The following RPGRIP1 variants were observed in gnomAD, a reference collection of about 807,000 sequenced individuals.
The protein encoded by RPGRIP1 is RPGR interacting protein 1.
RPGRIP1 carries 128 observed loss-of-function variants against 157.9 expected under a neutral mutation model. That is an observed-to-expected ratio of 0.81 (90% CI 0.70 to 0.94). The LOEUF (loss-of-function observed/expected upper bound fraction) is 0.94, where lower values mean the gene tolerates loss of function less well. Among genes scored for constraint, RPGRIP1 ranks in the 40% least tolerant of loss-of-function variants. RPGRIP1 has a pLI of 0.00. For missense variants in RPGRIP1, 1,486 were observed against 1,545.8 expected, an observed-to-expected ratio of 0.96 and a Z score of 0.65; for synonymous variants, 554 against 571.6, an observed-to-expected ratio of 0.97 and a Z score of 0.44.
chr14:21,322,437 G>A (rs1357434741), intron 14 of RPGRIP1, among the ~76,000 whole-genome samples: 1 of 152,170 alleles, frequency 6.6e-6, no homozygotes, highest in Non-Finnish European at 1.5e-5. Context: ...GGGATTACAG[G>A]TGCGAGCCAC....
intron 21 of RPGRIP1, among the ~76,000 whole-genome samples, chr14:21,335,210 A>T (rs1019276216): frequency 2.0e-5 from 3 of 152,076 alleles, no homozygotes; most frequent in Non-Finnish European, 2.9e-5. Context: ...AGATAAAAGG[A>T]TCATTTTCTT....
At chr14:21,288,803 G>A (rs1301451434) in intron 2 of RPGRIP1, among the ~76,000 whole-genome samples, 7 of 152,026 alleles carry the variant, frequency 4.6e-5, no homozygotes, top group Admixed American at 1.3e-4. Flanking sequence ...GTGAGCCACC[G>A]TGCCCAGACT....
At chr14:21,324,384 C>T (rs1882823972) in intron 14 of RPGRIP1, 3 of 573,398 alleles carry the variant, frequency 5.2e-6, no homozygotes, top group Admixed American at 3.0e-5. Flanking sequence ...CATCTACTTT[C>T]CAGTCACTCC....
intron 21 of RPGRIP1, among the ~76,000 whole-genome samples, chr14:21,337,229 T>A (rs1419417734): frequency 6.6e-6 from 1 of 152,148 alleles, no homozygotes; most frequent in South Asian, 2.1e-4. Context: ...TATACAGCTT[T>A]GAGAGAGTTT....
Position 21,327,632 on chromosome 14 carries a change from A to G in RPGRIP1, c.2720A>G (p.Asn907Ser). 6.2e-7 allele frequency: 1 copy of G among 1,613,826 alleles called. No individual in the cohort carries two copies. Among genetic ancestry groups the G allele is most frequent in the Non-Finnish European group, 8.5e-7 (1 of 1,179,780 alleles). The change falls in exon 18 of 25, where the codon AAC becomes AGC. Residue 907 changes from asparagine to serine, a missense_variant. Physicochemically the swap from Asn to Ser is conservative, Grantham distance 46. Coordinates refer to ENST00000400017, the MANE Select transcript of RPGRIP1 (RefSeq NM_020366.4). ...AKNESIKGDF[N>S]LTDPAEKPNG... ...TCTGTTTGTTTCTCAGGTGATTTTA[A>G]CCTCACTGACCCTGCAGAGAAACCC...
chr14:21,296,977 T>G (rs1026489533), intron 3 of RPGRIP1, among the ~76,000 whole-genome samples: 13 of 151,792 alleles, frequency 8.6e-5, no homozygotes, highest in Non-Finnish European at 1.0e-4. Flanking sequence ...AAGTATTAAT[T>G]CATTTAATAG....
rs138964091 is a variant in RPGRIP1, at chr14:21,342,785, G to T, written c.3340-251G>T. On this transcript the variant is annotated intron_variant, in intron 21 of 24. Transcript: ENST00000400017. ...CTGAGAAAGGCTGTCCTGGAGAAAT[G>T]ATCCACTGGACTGTGAGAGAGAAGA... Among the ~76,000 whole-genome samples, 613 of 152,212 alleles carry T rather than the reference G, an allele frequency of 4.0e-3. 2 individuals carry two copies. The highest frequency in any genetic ancestry group is 7.3e-3 in the Non-Finnish European group (499 of 68,028).
intron 6 of RPGRIP1, among the ~76,000 whole-genome samples, chr14:21,305,034 C>T (rs1262913609): frequency 6.6e-6 from 1 of 152,192 alleles, no homozygotes; most frequent in Non-Finnish European, 1.5e-5. Context: ...GATCTCCTGA[C>T]CTCGTAATCC....
Position 21,324,826 on chromosome 14 carries a change from C to T in RPGRIP1, c.1971C>T (p.Ser657=). ...DTQPTTFCTY[S]FYDFETHCTP... ...AACCTACCACTTTCTGCACCTATTC[C>T]TTCTATGACTTTGAAACCCACTGTA... Residue 657 remains serine (S), a synonymous_variant, in exon 15 of 25, where the codon TCC becomes TCT. Transcript: ENST00000400017. 1.2e-6 allele frequency: 2 copies of T among 1,614,058 alleles called. No individual in the cohort carries two copies. The highest frequency in any genetic ancestry group is 1.7e-6 in the Non-Finnish European group (2 of 1,179,888).
At position 21,301,677 on chromosome 14, in the gene RPGRIP1, AAAT is replaced by A. The variant is rs1232971998; in HGVS notation, c.490+485_490+487del. Among the ~76,000 whole-genome samples, 302 of 127,568 alleles carry A rather than the reference AAAT, an allele frequency of 2.4e-3. 4 individuals are homozygous for A. Among genetic ancestry groups the A allele is most frequent in the Non-Finnish European group, 3.5e-3 (214 of 61,352 alleles). The allele number at this position is 127,568 out of a possible 152,430, so 83.7% of individuals were successfully genotyped here. A position where few individuals can be genotyped will look rare whatever the true frequency, so the allele number is the denominator to read the frequency against. On this transcript the variant is annotated intron_variant, in intron 4 of 24. Coordinates refer to ENST00000400017, the MANE Select transcript of RPGRIP1 (RefSeq NM_020366.4). ...GGCGACAGAGCGAGACTCTGTCTCA[AAAT>A]AATAATAATAATAATAATAATAATA...
intron 19 of RPGRIP1, among the ~76,000 whole-genome samples, chr14:21,328,882 G>A (rs1883400989): frequency 6.6e-6 from 1 of 152,040 alleles, no homozygotes; most frequent in Non-Finnish European, 1.5e-5. Context: ...AGTGGCTCAC[G>A]CCTGTAATCC....
chr14:21,351,081 T>C lies in RPGRIP1; in HGVS notation c.3749-23T>C, dbSNP rs187115537. 888 of 1,398,328 alleles carry C rather than the reference T, an allele frequency of 6.4e-4. 6 individuals are homozygous for C. In the African/African-American group the frequency reaches 0.011, roughly 17 times the overall value. 86.6% of individuals were successfully genotyped at this position (1,398,328 alleles called of 1,614,324 possible). On this transcript the variant is annotated intron_variant, in intron 24 of 24. Transcript: ENST00000400017. Reference sequence around the variant, plus strand: ...ATCAAAGTGTTCAACTGAGTGATGCTGTTTTTTTCCCTTTCCCAACAGTTG... The same window carrying C: ...ATCAAAGTGTTCAACTGAGTGATGCCGTTTTTTTCCCTTTCCCAACAGTTG...
intron 1 of RPGRIP1, among the ~76,000 whole-genome samples, chr14:21,281,488 A>C (rs1166742256): frequency 6.6e-6 from 1 of 151,858 alleles, no homozygotes; most frequent in Admixed American, 6.6e-5. Flanking sequence ...CAGGAGTTCA[A>C]GACCAGTCTG....
chr14:21,342,914 T>C (rs535841843), intron 21 of RPGRIP1, 122 bp from the exon 22 acceptor site: 2 of 658,606 alleles, frequency 3.0e-6, no homozygotes, highest in African/African-American at 1.8e-5. Flanking sequence ...GGGAATAATA[T>C]AGTAGATAGA....
chr14:21,337,520 C>T (rs1000876238), intron 21 of RPGRIP1, among the ~76,000 whole-genome samples: 4 of 148,530 alleles, frequency 2.7e-5, no homozygotes, highest in African/African-American at 1.0e-4. Context: ...CGGCTTACTG[C>T]AACCTCTGCC....
chr14:21,286,206 G>T (rs12434913), intron 1 of RPGRIP1, among the ~76,000 whole-genome samples: 27,190 of 151,928 alleles, frequency 0.18, 2,952 homozygotes, highest in East Asian at 0.29. Flanking sequence ...GGCCAGGCTG[G>T]TCTTGAACTC....
At chr14:21,286,149 C>T (rs1880290724) in intron 1 of RPGRIP1, among the ~76,000 whole-genome samples, 1 of 151,982 alleles carries the variant, frequency 6.6e-6, no homozygotes. Context: ...GCCACCACGC[C>T]CGGCTAATTT....
intron 22 of RPGRIP1, 59 bp from the exon 23 acceptor site, chr14:21,345,054 T>C (rs1189052009): frequency 9.1e-7 from 1 of 1,102,302 alleles, no homozygotes; most frequent in African/African-American, 1.5e-5. Context: ...ATGAAAGTCT[T>C]GGGGCTCACA....
chr14:21,349,120 G>A (rs1885887071), intron 24 of RPGRIP1, among the ~76,000 whole-genome samples: 1 of 144,048 alleles, frequency 6.9e-6, no homozygotes, highest in Non-Finnish European at 1.5e-5. Flanking sequence ...GCCCAGGCTG[G>A]AGTGCAGTGG....
Sources: gnomAD v4.1 joint callset for allele counts (sites outside exome capture counted in the v4.1 genomes callset) on GRCh38, gnomAD v4.1.1 for gene constraint, MANE v1.5 for transcripts, NCBI Gene and HGNC (gene_info 2026-07-23, HGNC 2026-07-21) for gene names.